Variants in FBXL17 observed in about 807,000 individuals in gnomAD.
The protein encoded by FBXL17 is F-box/LRR-repeat protein 17.
FBXL17 carries 22 observed loss-of-function variants against 66.2 expected under a neutral mutation model. That is an observed-to-expected ratio of 0.33 (90% confidence interval 0.24 to 0.47). The LOEUF is 0.47. Ranked by LOEUF, FBXL17 falls within the 20% of genes least tolerant of loss-of-function variation. FBXL17 has a pLI of 1.00. For missense variants in FBXL17, 878 were observed against 948.2 expected, an observed-to-expected ratio of 0.93 and a Z score of 0.97; for synonymous variants, 474 against 400.5, an observed-to-expected ratio of 1.18 and a Z score of -2.19.
intron 4 of FBXL17, among the ~76,000 whole-genome samples, chr5:108,280,257 C>A (rs886167248): frequency 3.9e-5 from 6 of 152,104 alleles, no homozygotes; most frequent in Non-Finnish European, 8.8e-5. Flanking sequence ...AAGGAAATTA[C>A]ATCAGATTAA....
intron 7 of FBXL17, among the ~76,000 whole-genome samples, chr5:107,925,664 C>T (rs73780459): frequency 0.028 from 4,289 of 152,248 alleles, 198 homozygotes; most frequent in African/African-American, 0.093. Context: ...TTGCAGAAAC[C>T]CCCAAGCGGG....
intron 7 of FBXL17, among the ~76,000 whole-genome samples, chr5:107,968,043 T>C (rs1422426852): frequency 1.3e-5 from 2 of 152,118 alleles, no homozygotes; most frequent in Non-Finnish European, 2.9e-5. Context: ...TTTAAAGGTA[T>C]AAATATGATG....
chr5:108,343,903 G>A (rs1747070820), intron 4 of FBXL17, among the ~76,000 whole-genome samples: 1 of 152,072 alleles, frequency 6.6e-6, no homozygotes, highest in Non-Finnish European at 1.5e-5. Context: ...GATAGGAGAG[G>A]AAAAAAACCT....
intron 6 of FBXL17, among the ~76,000 whole-genome samples, chr5:108,029,076 C>G (rs1052134715): frequency 1.3e-4 from 20 of 152,088 alleles, no homozygotes; most frequent in South Asian, 2.1e-4. Flanking sequence ...GAAGCCTGCA[C>G]TTTGTCATTA....
intron 4 of FBXL17, among the ~76,000 whole-genome samples, chr5:108,333,162 A>ATG (rs1385071802): frequency 1.3e-5 from 2 of 148,520 alleles, no homozygotes; most frequent in Non-Finnish European, 3.0e-5. Context: ...ATATATATAT[A>ATG]TATATACATA....
intron 6 of FBXL17, among the ~76,000 whole-genome samples, chr5:108,146,083 T>A (rs986551836): frequency 6.6e-6 from 1 of 151,962 alleles, no homozygotes; most frequent in Non-Finnish European, 1.5e-5. Flanking sequence ...TACAAAAAAA[T>A]TAGCTGGGCG....
chr5:108,336,553 C>A (rs542209457), intron 4 of FBXL17, among the ~76,000 whole-genome samples: 1 of 151,840 alleles, frequency 6.6e-6, no homozygotes, highest in South Asian at 2.1e-4. Flanking sequence ...AGATGTACAA[C>A]CATGTGAATG....
chr5:108,161,191 TAC>T (rs1290431498), intron 6 of FBXL17, among the ~76,000 whole-genome samples: 2 of 151,660 alleles, frequency 1.3e-5, no homozygotes, highest in East Asian at 3.9e-4. Context: ...CATACATACA[TAC>T]ATACCCCAGC....
rs531080633 is a variant in FBXL17 at position 107,913,749 on chromosome 5, G to C, written c.1823-32570C>G. Reference sequence around the variant, plus strand: ...TTAGCTTCGTCAACAATATGAAAGAGATGCTATCTGCTCAGGGCAATAGTG... The same window carrying C: ...TTAGCTTCGTCAACAATATGAAAGACATGCTATCTGCTCAGGGCAATAGTG... On this transcript the variant is annotated intron_variant, in intron 7 of 8. Transcript: ENST00000542267. 1.6e-3 allele frequency among the ~76,000 whole-genome samples: 238 copies of C among 152,248 alleles called. 1 individual carries two copies. Among genetic ancestry groups the C allele is most frequent in the Admixed American group, 4.5e-3 (69 of 15,274 alleles).
intron 7 of FBXL17, among the ~76,000 whole-genome samples, chr5:107,928,467 C>T (rs1027123161): frequency 6.6e-6 from 1 of 151,646 alleles, no homozygotes; most frequent in Non-Finnish European, 1.5e-5. Flanking sequence ...CAAATACTCC[C>T]TAGTTACTCT....
intron 7 of FBXL17, among the ~76,000 whole-genome samples, chr5:107,929,706 G>C (rs1444886366): frequency 6.6e-6 from 1 of 151,634 alleles, no homozygotes; most frequent in Non-Finnish European, 1.5e-5. Flanking sequence ...TAATGTGTTA[G>C]ATCTCTGTGG....
chr5:108,251,304 T>C (rs1202538954), intron 4 of FBXL17, among the ~76,000 whole-genome samples: 1 of 152,086 alleles, frequency 6.6e-6, no homozygotes, highest in Non-Finnish European at 1.5e-5. Context: ...ATGAGGTTTT[T>C]GCTTGGAGTT....
chr5:108,378,392 T>A (rs945587167), intron 1 of FBXL17, among the ~76,000 whole-genome samples: 1 of 152,218 alleles, frequency 6.6e-6, no homozygotes, highest in Non-Finnish European at 1.5e-5. Context: ...GCATAAAAGA[T>A]GAAGCAAAAG....
chr5:108,126,647 C>CTA (rs1383217924), intron 6 of FBXL17, among the ~76,000 whole-genome samples: 29 of 77,026 alleles, frequency 3.8e-4, no homozygotes, highest in African/African-American at 1.2e-3. Flanking sequence ...CTCTCTCTCT[C>CTA]TCTCTATATA....
intron 4 of FBXL17, among the ~76,000 whole-genome samples, chr5:108,236,808 A>G (rs1561481228): frequency 6.6e-6 from 1 of 152,170 alleles, no homozygotes; most frequent in Non-Finnish European, 1.5e-5. Context: ...GTGGGCCCAT[A>G]GGGTACCCTC....
At chr5:108,307,501 T>C (rs1271270316) in intron 4 of FBXL17, among the ~76,000 whole-genome samples, 1 of 151,944 alleles carries the variant, frequency 6.6e-6, no homozygotes. Flanking sequence ...AGACACAGGG[T>C]CTCACTATAT....
At chr5:107,983,085 C>T (rs577733750) in intron 7 of FBXL17, among the ~76,000 whole-genome samples, 1 of 152,152 alleles carries the variant, frequency 6.6e-6, no homozygotes, top group Non-Finnish European at 1.5e-5. Context: ...CATACAAGTC[C>T]TATTCTCTTC....
At chr5:108,294,043 C>CAAAAAAAAAA (rs71624893) in intron 4 of FBXL17, among the ~76,000 whole-genome samples, 2 of 51,124 alleles carry the variant, frequency 3.9e-5, no homozygotes, top group Non-Finnish European at 7.0e-5. Flanking sequence ...TCTTGTCTCA[C>CAAAAAAAAAA]AAAAAAAAAA....
At chr5:107,930,856 C>G (rs1376781513) in intron 7 of FBXL17, among the ~76,000 whole-genome samples, 1 of 152,154 alleles carries the variant, frequency 6.6e-6, no homozygotes, top group African/African-American at 2.4e-5. Context: ...AAAACTACAT[C>G]AATTTTTTGA....
Sources: allele counts gnomAD v4.1 joint callset (sites outside exome capture counted in the v4.1 genomes callset), GRCh38; gene constraint gnomAD v4.1.1; transcripts MANE v1.5; gene names NCBI Gene and HGNC (gene_info 2026-07-23, HGNC 2026-07-21).